NEDD4L: variants seen among roughly 807,000 people sequenced by gnomAD.
The protein encoded by NEDD4L is E3 ubiquitin-protein ligase NEDD4-like.
A neutral mutation model predicts 148.9 loss-of-function variants in NEDD4L; 54 were observed. The ratio of observed to expected loss-of-function variants is 0.36; its 90% CI spans 0.29 to 0.45. NEDD4L has a LOEUF of 0.45. NEDD4L is among the 20% of genes least tolerant of loss of function. NEDD4L has a pLI of 1.00. For synonymous variants in NEDD4L, 433 were observed against 440.7 expected (o/e 0.98, Z 0.22); for missense variants, 856 against 1,233.8 (o/e 0.69, Z 4.59).
chr18:58,234,871 T>C (rs531639581), intron 2 of NEDD4L, among the ~76,000 whole-genome samples: 127 of 152,276 alleles, frequency 8.3e-4, no homozygotes, highest in Non-Finnish European at 1.4e-3. Flanking sequence ...GGGTGTCACC[T>C]GGGGGGCTGC....
chr18:58,279,478 C>G (rs1478693337), intron 5 of NEDD4L, among the ~76,000 whole-genome samples: 1 of 152,130 alleles, frequency 6.6e-6, no homozygotes, highest in Non-Finnish European at 1.5e-5. Context: ...AGCAAGAAGG[C>G]TTGGAAATGA....
chr18:58,145,224 T>C (rs2033978611), intron 1 of NEDD4L, among the ~76,000 whole-genome samples: 1 of 152,080 alleles, frequency 6.6e-6, no homozygotes, highest in South Asian at 2.1e-4. Flanking sequence ...TCGGGGAAGT[T>C]TCATTTGTGG....
At chr18:58,209,607 A>G (rs949558848) in intron 2 of NEDD4L, among the ~76,000 whole-genome samples, 1 of 150,168 alleles carries the variant, frequency 6.7e-6, no homozygotes, top group Non-Finnish European at 1.5e-5. Flanking sequence ...TCTAAGCATC[A>G]TAGAGCATAT....
At chr18:58,369,347 G>A (rs13381214) in intron 22 of NEDD4L, among the ~76,000 whole-genome samples, 25,248 of 152,158 alleles carry the variant, frequency 0.17, 2,249 homozygotes, top group South Asian at 0.29. Flanking sequence ...GAGTGATCAC[G>A]ATATAAACCT....
At chr18:58,336,139 C>A (rs2144933203) in intron 13 of NEDD4L, 1 of 152,342 alleles carries the variant, frequency 6.6e-6, no homozygotes, top group East Asian at 1.9e-4. Context: ...TTCTCTAAGC[C>A]AACCATTCTT....
In NEDD4L at chr18:58,369,255, G is replaced by T. The variant is rs552553723; in HGVS notation, c.2186-1142G>T. Reference sequence around the variant, plus strand: ...TTTCAGATGAGTGAGGACCAGCCCAGAGTCAAGGCCTTGTGGAAGAAGATG... The same window carrying T: ...TTTCAGATGAGTGAGGACCAGCCCATAGTCAAGGCCTTGTGGAAGAAGATG... On this transcript the variant is annotated intron_variant, in intron 22 of 30. Transcript: ENST00000400345. Among the ~76,000 whole-genome samples the T allele has an allele frequency of 3.9e-5, 6 of 152,280 alleles. No homozygotes were observed. The South Asian group carries it at 1.2e-3, about 32-fold the overall frequency.
chr18:58,066,069 T>C lies in NEDD4L; in HGVS notation c.48+21361T>C, dbSNP rs1452926145. Among the ~76,000 whole-genome samples, 8 of 152,238 alleles carry C rather than the reference T, an allele frequency of 5.3e-5. No individual in the cohort carries two copies. In the East Asian group the frequency reaches 1.5e-3, roughly 29 times the overall value. On this transcript the variant is annotated intron_variant, in intron 1 of 30. Coordinates refer to ENST00000400345, the MANE Select transcript of NEDD4L (RefSeq NM_001144967.3). ...TAGAGTTAGCATCAGGAAGGAAACT[T>C]GGTAGATTAAATAAAATAGCAGAAA... is the stretch of plus-strand genomic sequence containing the variant.
intron 5 of NEDD4L, among the ~76,000 whole-genome samples, chr18:58,281,996 G>C (rs573891529): frequency 1.3e-5 from 2 of 151,474 alleles, no homozygotes; most frequent in South Asian, 4.2e-4. Flanking sequence ...CTGCACTCCA[G>C]CCTGGGCGAC....
intron 1 of NEDD4L, among the ~76,000 whole-genome samples, chr18:58,060,311 A>G (rs2082274951): frequency 6.6e-6 from 1 of 152,124 alleles, no homozygotes; most frequent in Non-Finnish European, 1.5e-5. Flanking sequence ...CTTATTAGTA[A>G]GTATGTTGCC....
At chr18:58,137,840 T>C (rs1046554985) in intron 1 of NEDD4L, among the ~76,000 whole-genome samples, 2 of 152,268 alleles carry the variant, frequency 1.3e-5, no homozygotes, top group African/African-American at 4.8e-5. Context: ...GTGGTTTATA[T>C]ACCACCATTA....
At chr18:58,370,905 A>G (rs1427502065) in intron 23 of NEDD4L, among the ~76,000 whole-genome samples, 4 of 152,266 alleles carry the variant, frequency 2.6e-5, no homozygotes, top group East Asian at 1.9e-4. Context: ...CGTCCTAGAC[A>G]TGGATGAGTG....
intron 19 of NEDD4L, among the ~76,000 whole-genome samples, chr18:58,362,487 A>G (rs2045610357): frequency 6.6e-6 from 1 of 152,244 alleles, no homozygotes; most frequent in Non-Finnish European, 1.5e-5. Flanking sequence ...CCAGCTGATG[A>G]GAGTCTACCC....
intron 23 of NEDD4L, among the ~76,000 whole-genome samples, chr18:58,371,247 G>A (rs947010711): frequency 2.8e-5 from 4 of 145,076 alleles, no homozygotes; most frequent in African/African-American, 1.0e-4. Context: ...TAGAAACGAG[G>A]TTTCGCTATG....
Position 58,082,085 on chromosome 18 carries a change from T to TACACACACAC in NEDD4L, c.48+37378_48+37379insCACACACACA, listed in dbSNP as rs1415069836. On this transcript the variant is annotated intron_variant, in intron 1 of 30. Coordinates refer to ENST00000400345, the MANE Select transcript of NEDD4L (RefSeq NM_001144967.3). Reference sequence around the variant, plus strand: ...TTCTAATTGCTTTCTGATGAATATATATATATATATATATATATTTTTTTT... The same window carrying TACACACACAC: ...TTCTAATTGCTTTCTGATGAATATATACACACACACATATATATATATATATATTTTTTTT... Among the ~76,000 whole-genome samples, 403 of 90,754 alleles carry TACACACACAC rather than the reference T, an allele frequency of 4.4e-3. 6 individuals are homozygous for TACACACACAC. The highest frequency in any genetic ancestry group is 0.023 in the African/African-American group (382 of 16,728). The allele number at this position is 90,754 out of a possible 152,430, so 59.5% of individuals were successfully genotyped here.
At chr18:58,287,641 T>C (rs2149065300) in intron 5 of NEDD4L, among the ~76,000 whole-genome samples, 1 of 152,356 alleles carries the variant, frequency 6.6e-6, no homozygotes, top group South Asian at 2.1e-4. Context: ...TCCTGCAATA[T>C]GCGGTCTTAC....
At chr18:58,195,448 G>T in intron 2 of NEDD4L, 5 of 1,321,968 alleles carry the variant, frequency 3.8e-6, no homozygotes, top group Non-Finnish European at 4.0e-6. Context: ...GGCATCCGCG[G>T]CAGCAGCTTC....
chr18:58,219,858 G>GGGAATA (rs2043547319), intron 2 of NEDD4L, among the ~76,000 whole-genome samples: 1 of 151,792 alleles, frequency 6.6e-6, no homozygotes, highest in African/African-American at 2.4e-5. Context: ...TTATCTTTAA[G>GGGAATA]GGAATAGGCA....
At chr18:58,096,334 ATTATTTTATTTTATTTATT>A (rs1230856696) in intron 1 of NEDD4L, among the ~76,000 whole-genome samples, 13 of 147,436 alleles carry the variant, frequency 8.8e-5, no homozygotes, top group South Asian at 4.2e-4. Flanking sequence ...CCTTAGTGTG[ATTATTTTATTTTATTTATT>A]TTATTTTATT....
At chr18:58,089,893 G>A (rs1269879518) in intron 1 of NEDD4L, among the ~76,000 whole-genome samples, 1 of 147,864 alleles carries the variant, frequency 6.8e-6, no homozygotes, top group African/African-American at 2.5e-5. Flanking sequence ...AGGCTGGAGT[G>A]CAGTGGCACT....
Sources: allele counts gnomAD v4.1 joint callset (sites outside exome capture counted in the v4.1 genomes callset), GRCh38; gene constraint gnomAD v4.1.1; transcripts MANE v1.5; gene names NCBI Gene and HGNC (gene_info 2026-07-23, HGNC 2026-07-21).